Variants in DNAH3 observed in about 807,000 individuals in gnomAD.
DNAH3 encodes dynein axonemal heavy chain 3.
Under a neutral mutation model 432.5 loss-of-function variants are expected in DNAH3, and 332 were observed. The ratio of observed to expected loss-of-function variants is 0.77; its 90% CI spans 0.70 to 0.84. DNAH3 has a LOEUF of 0.84. DNAH3 is among the 40% of genes least tolerant of loss of function. The pLI, the probability that DNAH3 is intolerant of heterozygous loss-of-function variation, is 0.00. For synonymous variants in DNAH3, 1,956 were observed against 1,900.2 expected (o/e 1.03, Z -0.76); for missense variants, 4,861 against 5,114.0 (o/e 0.95, Z 1.51).
At chr16:20,956,556 A>C (rs2084573765) in intron 54 of DNAH3, among the ~76,000 whole-genome samples, 1 of 152,190 alleles carries the variant, frequency 6.6e-6, no homozygotes, top group African/African-American at 2.4e-5. Context: ...TTTTTGGGTC[A>C]GGATCATATT....
At chr16:21,128,115 T>G (rs905684244) in intron 7 of DNAH3, among the ~76,000 whole-genome samples, 2 of 151,950 alleles carry the variant, frequency 1.3e-5, no homozygotes, top group Non-Finnish European at 2.9e-5. Flanking sequence ...AGCTGGAGAC[T>G]CAGCTGGCTG....
chr16:21,007,246 G>A (rs1475794559), intron 41 of DNAH3, among the ~76,000 whole-genome samples: 2 of 130,390 alleles, frequency 1.5e-5, no homozygotes. Flanking sequence ...GTCTCACTCT[G>A]TCACCCCGGC....
chr16:21,080,824 G>A (rs2152773091), intron 20 of DNAH3, among the ~76,000 whole-genome samples: 1 of 152,334 alleles, frequency 6.6e-6, no homozygotes, highest in South Asian at 2.1e-4. Flanking sequence ...GAGAAGCTCT[G>A]TTCTAGAGGT....
At chr16:21,101,421 T>C (rs1007644051) in intron 16 of DNAH3, among the ~76,000 whole-genome samples, 6 of 152,186 alleles carry the variant, frequency 3.9e-5, no homozygotes, top group African/African-American at 1.2e-4. Flanking sequence ...CCTATATATA[T>C]ATCCCAATAT....
At chr16:21,009,465 C>T (rs1480968615) in intron 41 of DNAH3, among the ~76,000 whole-genome samples, 5 of 152,126 alleles carry the variant, frequency 3.3e-5, no homozygotes, top group African/African-American at 4.8e-5. Flanking sequence ...AGAATAGAAT[C>T]GCTTTTACAA....
intron 48 of DNAH3, among the ~76,000 whole-genome samples, chr16:20,984,238 C>A (rs2086074829): frequency 6.6e-6 from 1 of 151,710 alleles, no homozygotes; most frequent in Admixed American, 6.6e-5. Flanking sequence ...CATGCATGAA[C>A]ACAATGATAA....
intron 16 of DNAH3, among the ~76,000 whole-genome samples, chr16:21,103,627 T>C (rs2091887994): frequency 1.3e-5 from 2 of 152,106 alleles, no homozygotes; most frequent in African/African-American, 4.8e-5. Context: ...AGCAACTACA[T>C]GGGTTGACCC....
intron 29 of DNAH3, among the ~76,000 whole-genome samples, chr16:21,051,144 C>T (rs540055528): frequency 2.6e-5 from 4 of 152,314 alleles, no homozygotes; most frequent in Admixed American, 6.5e-5. Context: ...AAAACTCTCA[C>T]TGTAAGGAAA....
intron 29 of DNAH3, among the ~76,000 whole-genome samples, chr16:21,050,819 C>A (rs1405636949): frequency 6.6e-6 from 1 of 152,150 alleles, no homozygotes; most frequent in African/African-American, 2.4e-5. Context: ...CAGCTCCTGG[C>A]ATGTAATAGG....
intron 25 of DNAH3, among the ~76,000 whole-genome samples, chr16:21,062,236 C>T (rs908573780): frequency 1.3e-5 from 2 of 152,084 alleles, no homozygotes; most frequent in African/African-American, 2.4e-5. Flanking sequence ...GACTCCACAT[C>T]GAGTTGGGTT....
At chr16:21,120,491 T>C in intron 11 of DNAH3, 1 of 561,734 alleles carries the variant, frequency 1.8e-6, no homozygotes, top group East Asian at 3.0e-5. Context: ...TTCTTAAAGA[T>C]TTTTCTTAGT....
chr16:20,990,607 T>C (rs1023063501), intron 44 of DNAH3, among the ~76,000 whole-genome samples: 7 of 148,508 alleles, frequency 4.7e-5, no homozygotes, highest in African/African-American at 1.7e-4. Flanking sequence ...TTTGCCTGTA[T>C]ATCTTTAAAA....
intron 10 of DNAH3, among the ~76,000 whole-genome samples, chr16:21,121,269 A>G (rs2092334314): frequency 6.6e-6 from 1 of 152,226 alleles, no homozygotes; most frequent in Admixed American, 6.5e-5. Flanking sequence ...GATCCTGTCT[A>G]GTAATAAAAG....
chr16:21,145,063 G>A (rs927573937), intron 3 of DNAH3, 118 bp downstream of exon 4: 28 of 888,072 alleles, frequency 3.2e-5, no homozygotes, highest in Non-Finnish European at 4.6e-5. Context: ...AATGAGCCAC[G>A]ATCGTGCCAT....
Position 20,987,940 on chromosome 16 carries a change from A to AAG in DNAH3, c.6725+1_6725+2insCT. 1 of 1,614,212 alleles carries AAG rather than the reference A, an allele frequency of 6.2e-7. No individual in the cohort carries two copies. Among genetic ancestry groups the AAG allele is most frequent in the Non-Finnish European group, 8.5e-7 (1 of 1,180,036 alleles). On this transcript the variant is annotated splice_donor_variant, in intron 45 of 61. Coordinates refer to ENST00000261383, the Ensembl canonical transcript of DNAH3. LOFTEE classifies it high-confidence loss of function. ...ATCCAGGAAGACAGAGAAACCTCTT[A>AAG]CCTTAAAAACATCACATCAAACCCT...
intron 55 of DNAH3, among the ~76,000 whole-genome samples, chr16:20,953,899 T>C (rs1359274351): frequency 6.6e-6 from 1 of 151,982 alleles, no homozygotes; most frequent in Admixed American, 6.6e-5. Flanking sequence ...CTTGCACCAT[T>C]GTGCCTGGCA....
intron 44 of DNAH3, among the ~76,000 whole-genome samples, chr16:20,988,879 G>A (rs946331709): frequency 2.6e-5 from 4 of 152,120 alleles, no homozygotes; most frequent in Non-Finnish European, 4.4e-5. Context: ...CAGGAGTGAA[G>A]CTGCAGACCT....
intron 53 of DNAH3, among the ~76,000 whole-genome samples, chr16:20,961,485 A>G (rs1596964483): frequency 1.3e-5 from 2 of 151,990 alleles, no homozygotes; most frequent in East Asian, 3.9e-4. Context: ...CCTAGAACGT[A>G]AAGTATAATA....
chr16:21,032,689 T>C (rs2088948959), intron 36 of DNAH3, among the ~76,000 whole-genome samples: 1 of 152,004 alleles, frequency 6.6e-6, no homozygotes, highest in African/African-American at 2.4e-5. Context: ...GGTGCATGCC[T>C]ATGATCCCAG....
Sources: allele counts gnomAD v4.1 joint callset (sites outside exome capture counted in the v4.1 genomes callset), GRCh38; gene constraint gnomAD v4.1.1; transcripts MANE v1.5; gene names NCBI Gene and HGNC (gene_info 2026-07-23, HGNC 2026-07-21).